PIGN: variants seen among roughly 807,000 people sequenced by gnomAD.
The protein encoded by PIGN is phosphatidylinositol glycan anchor biosynthesis class N.
PIGN carries 117 observed loss-of-function variants against 125.4 expected under a neutral mutation model. That is an observed-to-expected ratio of 0.93 (90% confidence interval 0.80 to 1.09). The LOEUF is 1.09. PIGN is among the 50% of genes least tolerant of loss of function. The pLI is 0.00. For missense variants in PIGN, 1,075 were observed against 1,094.9 expected (o/e 0.98, Z 0.26); for synonymous variants, 392 against 377.8 (o/e 1.04, Z -0.44).
intron 30 of PIGN, among the ~76,000 whole-genome samples, chr18:62,049,423 T>C (rs2031055217): frequency 6.6e-6 from 1 of 150,800 alleles, no homozygotes; most frequent in Non-Finnish European, 1.5e-5. Context: ...TATCTCATTG[T>C]GGTTTTGATT....
At chr18:62,076,746 C>G (rs964407536) in intron 28 of PIGN, among the ~76,000 whole-genome samples, 1 of 152,140 alleles carries the variant, frequency 6.6e-6, no homozygotes, top group Non-Finnish European at 1.5e-5. Flanking sequence ...CTCAATAATT[C>G]ACATATGCAG....
intron 16 of PIGN, among the ~76,000 whole-genome samples, chr18:62,110,692 CT>C (rs2034841042): frequency 6.6e-6 from 1 of 152,058 alleles, no homozygotes; most frequent in African/African-American, 2.4e-5. Context: ...TTCAGTCTGC[CT>C]TTCCTGACAG....
At chr18:62,092,524 C>T (rs1196447550) in intron 23 of PIGN, among the ~76,000 whole-genome samples, 1 of 151,648 alleles carries the variant, frequency 6.6e-6, no homozygotes, top group Non-Finnish European at 1.5e-5. Flanking sequence ...AAACAAAATC[C>T]ATATCATGAA....
chr18:62,095,698 C>T (rs751555073), intron 23 of PIGN, 150 bp downstream of exon 23: 11 of 549,546 alleles, frequency 2.0e-5, no homozygotes, highest in Non-Finnish European at 3.0e-5. Flanking sequence ...AAGTCAGATA[C>T]AGTTCTCATA....
chr18:62,046,210 C>A (rs1264118222), intron 30 of PIGN, among the ~76,000 whole-genome samples: 1 of 152,064 alleles, frequency 6.6e-6, no homozygotes, highest in East Asian at 1.9e-4. Context: ...CACGAATACC[C>A]AAATCTTTGA....
intron 23 of PIGN, among the ~76,000 whole-genome samples, chr18:62,020,175 G>A (rs1428559428): frequency 6.6e-6 from 1 of 152,238 alleles, no homozygotes; most frequent in East Asian, 1.9e-4. Flanking sequence ...CGGGTCTGGA[G>A]ATGCTCAAGT....
chr18:62,087,050 G>A (rs1023656425), intron 25 of PIGN, among the ~76,000 whole-genome samples: 6 of 152,082 alleles, frequency 3.9e-5, no homozygotes, highest in South Asian at 2.1e-4. Flanking sequence ...TGTGGTCCTC[G>A]AGGTCACGAA....
At chr18:62,046,269 T>C (rs539277410) in intron 30 of PIGN, among the ~76,000 whole-genome samples, 1 of 152,064 alleles carries the variant, frequency 6.6e-6, no homozygotes, top group Admixed American at 6.6e-5. Flanking sequence ...ATATAAGCTA[T>C]GTATATCCTC....
chr18:62,088,603 T>A (rs969145695), intron 25 of PIGN, 153 bp downstream of exon 25: 23 of 543,532 alleles, frequency 4.2e-5, no homozygotes, highest in Non-Finnish European at 5.9e-5. Context: ...TTCAAAAAAA[T>A]TTTTAATGTG....
chr18:62,153,365 T>C (rs2036606687), intron 7 of PIGN: 1 of 152,298 alleles, frequency 6.6e-6, no homozygotes, highest in Non-Finnish European at 1.5e-5. Context: ...TGCAAATCTT[T>C]TTTTCTGTTC....
Position 62,072,580 on chromosome 18 carries a change from C to T in PIGN, c.2672+93G>A, listed in dbSNP as rs542593. The T allele has an allele frequency of 2.8e-4, 269 of 962,852 alleles. 2 individuals are homozygous for T. The African/African-American group carries it at 4.1e-3, about 15-fold the overall frequency. The allele number at this position is 962,852 out of a possible 1,614,324, so 59.6% of individuals were successfully genotyped here. A position where few individuals can be genotyped will look rare whatever the true frequency, so the allele number is the denominator to read the frequency against. On this transcript the variant is annotated intron_variant, in intron 30 of 30. Coordinates refer to ENST00000640252, the MANE Select transcript of PIGN (RefSeq NM_176787.5). ...CCATCTAGGTTTGTGTGAATATACTCTGTGATGTTTGCACAGTGAAGAAAT... is the reference window on the plus strand; with the variant it reads ...CCATCTAGGTTTGTGTGAATATACTTTGTGATGTTTGCACAGTGAAGAAAT...
intron 29 of PIGN, 103 bp from the exon 30 acceptor site, chr18:62,072,828 A>T (rs182079038): frequency 1.3e-6 from 1 of 772,430 alleles, no homozygotes; most frequent in Non-Finnish European, 2.1e-6. Context: ...TGACTCTAAG[A>T]ATCACTATCT....
intron 1 of PIGN, among the ~76,000 whole-genome samples, chr18:62,167,374 G>C (rs918536889): frequency 1.0e-4 from 14 of 139,298 alleles, no homozygotes; most frequent in African/African-American, 3.6e-4. Flanking sequence ...GCTCATGCCT[G>C]TAATCCCAGC....
intron 22 of PIGN, among the ~76,000 whole-genome samples, chr18:62,098,152 C>T (rs906968995): frequency 1.3e-5 from 2 of 152,210 alleles, no homozygotes; most frequent in Non-Finnish European, 1.5e-5. Flanking sequence ...GCACATAGTG[C>T]TTAGTAACTG....
chr18:62,092,290 T>A (rs1266207750), intron 23 of PIGN, among the ~76,000 whole-genome samples: 1 of 152,192 alleles, frequency 6.6e-6, no homozygotes, highest in Non-Finnish European at 1.5e-5. Context: ...TACTGTTACA[T>A]ATTTGTTACA....
chr18:62,088,942 ATGCCC>A, intron 24 of PIGN, 100 bp from the exon 25 acceptor site: 2 of 689,034 alleles, frequency 2.9e-6, no homozygotes, highest in South Asian at 3.3e-5. Flanking sequence ...GGCTAGAAAC[ATGCCC>A]TGTGCTGACA....
chr18:62,112,883 G>A, intron 16 of PIGN: 1 of 423,024 alleles, frequency 2.4e-6, no homozygotes, highest in Non-Finnish European at 4.1e-6. Flanking sequence ...GATAACATAG[G>A]AGCACTTAAA....
chr18:62,125,116 G>GTATATAAATATACATGTTTGTACATACA (rs2035468050), intron 14 of PIGN, among the ~76,000 whole-genome samples: 1 of 92,426 alleles, frequency 1.1e-5, no homozygotes, highest in African/African-American at 3.6e-5. Flanking sequence ...TTGTACATAT[G>GTATATAAATATACATGTTTGTACATACA]TGTATATAAA....
In PIGN at chr18:62,044,280, G is replaced by C. The variant is rs943183247; in HGVS notation, c.*1576C>G. 3 of 152,116 alleles carry C rather than the reference G, an allele frequency of 2.0e-5. No individual in the cohort carries two copies. Among genetic ancestry groups the C allele is most frequent in the African/African-American group, 7.2e-5 (3 of 41,412 alleles). 9.4% of individuals were successfully genotyped at this position (152,116 alleles called of 1,614,324 possible). ...TTCTCTTTATAAAAATTTGGGAAAA[G>C]ATAAAAGGCAAAACTACACATAGAA... On this transcript the variant is annotated 3_prime_UTR_variant, in exon 31 of 31. Transcript: ENST00000640252.
Sources: gnomAD v4.1 joint callset for allele counts (sites outside exome capture counted in the v4.1 genomes callset) on GRCh38, gnomAD v4.1.1 for gene constraint, MANE v1.5 for transcripts, NCBI Gene and HGNC (gene_info 2026-07-23, HGNC 2026-07-21) for gene names.